CAST: variants seen among roughly 807,000 people sequenced by gnomAD.
The protein encoded by CAST is calpastatin, also known as MIR583 host.
In CAST, 76 loss-of-function variants were observed where a neutral mutation model predicts 119.6. That is an observed-to-expected ratio of 0.64 (90% CI 0.53 to 0.77). The LOEUF (loss-of-function observed/expected upper bound fraction) is 0.77, where lower values mean the gene tolerates loss of function less well. Among genes scored for constraint, CAST ranks in the 30% least tolerant of loss-of-function variants. The pLI, the probability that CAST is intolerant of heterozygous loss-of-function variation, is 0.00. For synonymous variants in CAST, 319 were observed against 331.6 expected (o/e 0.96, Z 0.41); for missense variants, 953 against 946.5 (o/e 1.01, Z -0.09).
chr5:96,159,124 G>C, the CAST span, among the ~76,000 whole-genome samples: 1 of 152,174 alleles, frequency 6.6e-6, no homozygotes, highest in African/African-American at 2.4e-5. Context: ...AAATTCCACT[G>C]TGGGAAGTAT....
At chr5:96,153,694 T>G in the CAST span, among the ~76,000 whole-genome samples, 1 of 152,212 alleles carries the variant, frequency 6.6e-6, no homozygotes, top group African/African-American at 2.4e-5. Flanking sequence ...ACACAAATAC[T>G]TATCACTGCT....
At chr5:96,112,986 G>A in the CAST span, among the ~76,000 whole-genome samples, 2 of 152,170 alleles carry the variant, frequency 1.3e-5, no homozygotes, top group Non-Finnish European at 2.9e-5. Context: ...AATTATGTCA[G>A]GGACCATCTG....
the CAST span, chr5:96,432,197 G>C: frequency 2.7e-3 from 3,847 of 1,426,310 alleles, 11 homozygotes; most frequent in South Asian, 5.6e-3. Context: ...TAAGTTCCCA[G>C]TGAAAAGCCG....
chr5:96,452,183 T>G, the CAST span, among the ~76,000 whole-genome samples: 1 of 152,148 alleles, frequency 6.6e-6, no homozygotes, highest in Admixed American at 6.5e-5. Context: ...TATAAAGACA[T>G]ATGTACATGG....
At chr5:95,992,888 G>A in the CAST span, among the ~76,000 whole-genome samples, 4 of 151,816 alleles carry the variant, frequency 2.6e-5, no homozygotes, top group Admixed American at 6.6e-5. Context: ...TAAAATTTAC[G>A]GAAAGGCAAA....
chr5:96,712,273 T>G (rs1215284928), intron 3 of CAST, among the ~76,000 whole-genome samples: 1 of 152,224 alleles, frequency 6.6e-6, no homozygotes, highest in African/African-American at 2.4e-5. Flanking sequence ...AGATTCAAAC[T>G]CAAGTGGCCT....
At chr5:96,550,728 T>C (rs993790883) in intron 1 of CAST, among the ~76,000 whole-genome samples, 1 of 152,188 alleles carries the variant, frequency 6.6e-6, no homozygotes, top group Admixed American at 6.5e-5. Context: ...TTAAATGACC[T>C]GATGGAGCTG....
the CAST span, chr5:96,433,103 G>T: frequency 6.6e-7 from 1 of 1,514,486 alleles, no homozygotes; most frequent in Non-Finnish European, 9.2e-7. Flanking sequence ...CAAGATAGGA[G>T]AAAAGCCAGA....
chr5:96,097,030 T>C, the CAST span, among the ~76,000 whole-genome samples: 1 of 152,210 alleles, frequency 6.6e-6, no homozygotes, highest in African/African-American at 2.4e-5. Context: ...CCTGATATTT[T>C]GATTAAGTTT....
At chr5:96,462,015 A>AT in the CAST span, among the ~76,000 whole-genome samples, 1 of 152,106 alleles carries the variant, frequency 6.6e-6, no homozygotes, top group Admixed American at 6.6e-5. Flanking sequence ...GCAGTATAGC[A>AT]TGGGGTCTTG....
chr5:96,060,305 A>T, the CAST span, among the ~76,000 whole-genome samples: 1 of 152,248 alleles, frequency 6.6e-6, no homozygotes, highest in Admixed American at 6.5e-5. Flanking sequence ...TCATGACACC[A>T]TGTTAGTTGG....
the CAST span, among the ~76,000 whole-genome samples, chr5:96,192,462 G>T: frequency 6.6e-6 from 1 of 152,124 alleles, no homozygotes; most frequent in African/African-American, 2.4e-5. Context: ...AGGAATAAAC[G>T]ATCTCATTGG....
At chr5:96,664,723 G>T (rs888869048) in intron 1 of CAST, among the ~76,000 whole-genome samples, 30 of 152,158 alleles carry the variant, frequency 2.0e-4, no homozygotes, top group African/African-American at 7.0e-4. Flanking sequence ...AAGTCAAAAT[G>T]TCATACACAT....
At chr5:96,383,528 C>G in the CAST span, among the ~76,000 whole-genome samples, 1 of 152,182 alleles carries the variant, frequency 6.6e-6, no homozygotes, top group Non-Finnish European at 1.5e-5. Context: ...CTCCCTGCAA[C>G]CTTCACCTCC....
chr5:96,376,378 AAAC>A, the CAST span, among the ~76,000 whole-genome samples: 3 of 152,202 alleles, frequency 2.0e-5, no homozygotes, highest in African/African-American at 7.2e-5. Flanking sequence ...TAATGATAAT[AAAC>A]AACTATGTTA....
the CAST span, among the ~76,000 whole-genome samples, chr5:96,240,431 T>G: frequency 6.6e-6 from 1 of 152,252 alleles, no homozygotes; most frequent in Admixed American, 6.5e-5. Context: ...CCTTCTTTAC[T>G]GTCTACTCTT....
At chr5:96,666,908 C>T (rs189457796) in intron 1 of CAST, among the ~76,000 whole-genome samples, 2 of 144,446 alleles carry the variant, frequency 1.4e-5, no homozygotes, top group East Asian at 3.9e-4. Context: ...TACAAAACTA[C>T]TCTAAGTAGT....
At chr5:95,974,885 T>C in the CAST span, among the ~76,000 whole-genome samples, 1 of 152,242 alleles carries the variant, frequency 6.6e-6, no homozygotes, top group African/African-American at 2.4e-5. Context: ...CTGGTTTTTA[T>C]GAGTTATGCA....
chr5:96,209,201 A>G, the CAST span, among the ~76,000 whole-genome samples: 1 of 150,954 alleles, frequency 6.6e-6, no homozygotes, highest in Non-Finnish European at 1.5e-5. Context: ...GTTTACTTTG[A>G]GCTTATTGGG....
Sources: gnomAD v4.1 joint callset for allele counts (sites outside exome capture counted in the v4.1 genomes callset) on GRCh38, gnomAD v4.1.1 for gene constraint, MANE v1.5 for transcripts, NCBI Gene and HGNC (gene_info 2026-07-23, HGNC 2026-07-21) for gene names.